MYLK4: variants seen among roughly 807,000 people sequenced by gnomAD.
The protein encoded by MYLK4 is myosin light chain kinase family member 4.
A neutral mutation model predicts 48.1 loss-of-function variants in MYLK4; 46 were observed. The ratio of observed to expected loss-of-function variants is 0.96; its 90% CI spans 0.75 to 1.22. The LOEUF (loss-of-function observed/expected upper bound fraction) is 1.22. MYLK4 is among the 50% of genes most tolerant of loss of function. The probability of loss-of-function intolerance (pLI) is 0.00; values close to 1 mark genes in which losing one functional copy is unlikely to be tolerated. For missense variants in MYLK4, 451 were observed against 486.1 expected, an observed-to-expected ratio of 0.93 and a Z score of 0.68; for synonymous variants, 170 against 180.8, an observed-to-expected ratio of 0.94 and a Z score of 0.48.
At chr6:2,733,169 A>AC (rs755579406) in intron 2 of MYLK4, among the ~76,000 whole-genome samples, 18 of 152,138 alleles carry the variant, frequency 1.2e-4, no homozygotes, top group Non-Finnish European at 2.5e-4. Context: ...TGCTACTTCA[A>AC]CCACATATTA....
intron 2 of MYLK4, among the ~76,000 whole-genome samples, chr6:2,705,613 C>G (rs1209411321): frequency 2.6e-5 from 4 of 152,042 alleles, no homozygotes; most frequent in Admixed American, 6.5e-5. Context: ...GAAACCAAAA[C>G]AAATCCAAAA....
At chr6:2,739,238 C>A (rs1160441258) in intron 2 of MYLK4, among the ~76,000 whole-genome samples, 1 of 152,178 alleles carries the variant, frequency 6.6e-6, no homozygotes, top group Non-Finnish European at 1.5e-5. Context: ...CAGATCACTA[C>A]TGGAGAGCCT....
chr6:2,736,804 T>C (rs969204689), intron 2 of MYLK4, among the ~76,000 whole-genome samples: 1 of 152,208 alleles, frequency 6.6e-6, no homozygotes, highest in Non-Finnish European at 1.5e-5. Context: ...GGTTTGGCAT[T>C]TGACATATTA....
chr6:2,674,911 A>G, intron 11 of MYLK4, 136 bp downstream of exon 11: 2 of 755,824 alleles, frequency 2.6e-6, no homozygotes, highest in Non-Finnish European at 4.4e-6. Flanking sequence ...AAGTAATTTA[A>G]TACTGCACAA....
the MYLK4 span, chr6:2,765,428 G>A: frequency 1.8e-6 from 1 of 551,082 alleles, no homozygotes; most frequent in Admixed American, 4.8e-5. Flanking sequence ...CGCTGCCAGC[G>A]GCCGGCCGAG....
At chr6:2,705,159 T>C (rs956762603) in intron 2 of MYLK4, among the ~76,000 whole-genome samples, 1 of 152,234 alleles carries the variant, frequency 6.6e-6, no homozygotes, top group Non-Finnish European at 1.5e-5. Flanking sequence ...TGGGTGGCTG[T>C]GTGCTTCTTA....
At chr6:2,676,407 T>G (rs1761085795) in intron 10 of MYLK4, among the ~76,000 whole-genome samples, 2 of 152,168 alleles carry the variant, frequency 1.3e-5, no homozygotes, top group African/African-American at 4.8e-5. Context: ...TGTCATAAAT[T>G]TTCAGTACTG....
intron 2 of MYLK4, among the ~76,000 whole-genome samples, chr6:2,729,467 T>C (rs1763401064): frequency 6.6e-6 from 1 of 152,264 alleles, no homozygotes; most frequent in Non-Finnish European, 1.5e-5. Context: ...GTTTGTGTAC[T>C]GATTATTACA....
At chr6:2,767,268 G>A in the MYLK4 span, among the ~76,000 whole-genome samples, 1 of 152,178 alleles carries the variant, frequency 6.6e-6, no homozygotes, top group Non-Finnish European at 1.5e-5. Context: ...AGAAAGCTAA[G>A]AAGTGCTTAA....
At chr6:2,753,097 C>A (rs939994202), upstream of MYLK4, among the ~76,000 whole-genome samples, 2 of 152,224 alleles carry the variant, frequency 1.3e-5, no homozygotes, top group Non-Finnish European at 2.9e-5. Flanking sequence ...GAACACTTTT[C>A]CAGTATTTCC....
At chr6:2,768,736 A>G in the MYLK4 span, 12 of 1,613,872 alleles carry the variant, frequency 7.4e-6, no homozygotes, top group Admixed American at 1.5e-4. Flanking sequence ...GAAACATAGC[A>G]TAAGGTTTGT....
At chr6:2,719,164 C>T (rs980183584) in intron 2 of MYLK4, among the ~76,000 whole-genome samples, 4 of 152,144 alleles carry the variant, frequency 2.6e-5, no homozygotes, top group South Asian at 2.1e-4. Context: ...AAGGGCAGGA[C>T]ATGCAGCTAA....
intron 10 of MYLK4, among the ~76,000 whole-genome samples, chr6:2,676,091 C>CA (rs34207127): frequency 0.34 from 43,596 of 127,976 alleles, 7,119 homozygotes; most frequent in Middle Eastern, 0.44. Context: ...GATTCTGTCT[C>CA]AAAAAAAAAA....
chr6:2,751,194 C>T (rs1764279331), upstream of MYLK4, among the ~76,000 whole-genome samples: 1 of 152,174 alleles, frequency 6.6e-6, no homozygotes, highest in South Asian at 2.1e-4. Flanking sequence ...GGACCTTCTG[C>T]CCCTTTCAGA....
the MYLK4 span, among the ~76,000 whole-genome samples, chr6:2,769,841 T>A: frequency 6.6e-6 from 1 of 152,168 alleles, no homozygotes; most frequent in African/African-American, 2.4e-5. Flanking sequence ...AAGAAATCAT[T>A]TATGTTGAAA....
intron 2 of MYLK4, among the ~76,000 whole-genome samples, chr6:2,709,487 C>T (rs551816177): frequency 6.6e-6 from 1 of 152,188 alleles, no homozygotes; most frequent in African/African-American, 2.4e-5. Context: ...AAAGGAGGTT[C>T]ACCACCTTAG....
chr6:2,760,447 T>A, the MYLK4 span, among the ~76,000 whole-genome samples: 1 of 152,216 alleles, frequency 6.6e-6, no homozygotes, highest in Admixed American at 6.5e-5. Flanking sequence ...TTTCATTGTG[T>A]AGGCATGATT....
rs1760596205 is a variant in MYLK4 at position 2,665,114 on chromosome 6, C to T, written c.*2811G>A. The T allele has an allele frequency of 6.6e-6, 1 of 152,232 alleles. No individual in the cohort carries two copies. The highest frequency in any genetic ancestry group is 2.1e-4 in the South Asian group (1 of 4,828). The allele number at this position is 152,232 out of a possible 1,614,324, so 9.4% of individuals were successfully genotyped here. On this transcript the variant is annotated 3_prime_UTR_variant, in exon 13 of 13. Coordinates refer to ENST00000274643, the MANE Select transcript of MYLK4 (RefSeq NM_001012418.5). ...AGAGGGTGGAGGAGAAATACAGCCTCCCAAATCCTAATGACCTGTTGGAAA... is the reference window on the plus strand; with the variant it reads ...AGAGGGTGGAGGAGAAATACAGCCTTCCAAATCCTAATGACCTGTTGGAAA...
At chr6:2,674,823 A>G (rs1233345482) in intron 11 of MYLK4, among the ~76,000 whole-genome samples, 1 of 152,210 alleles carries the variant, frequency 6.6e-6, no homozygotes, top group African/African-American at 2.4e-5. Flanking sequence ...GTGAGCTGAG[A>G]TCGTGCCATT....
Sources: gnomAD v4.1 joint callset for allele counts (sites outside exome capture counted in the v4.1 genomes callset) on GRCh38, gnomAD v4.1.1 for gene constraint, MANE v1.5 for transcripts, NCBI Gene and HGNC (gene_info 2026-07-23, HGNC 2026-07-21) for gene names.